Variants in LRRC40 observed in about 807,000 individuals in gnomAD.
LRRC40 encodes the protein leucine-rich repeat-containing protein 40.
LRRC40 carries 76 observed loss-of-function variants against 72.8 expected under a neutral mutation model. That is an observed-to-expected ratio of 1.04 (90% CI 0.87 to 1.26). The LOEUF is 1.26. LRRC40 is among the 50% of genes most tolerant of loss of function. The pLI is 0.00. For synonymous variants in LRRC40, 243 were observed against 254.2 expected, an observed-to-expected ratio of 0.96 and a Z score of 0.42; for missense variants, 684 against 698.9, an observed-to-expected ratio of 0.98 and a Z score of 0.24.
intron 5 of LRRC40, 56 bp from the exon 6 acceptor site, chr1:70,179,049 T>C (rs1668182592): frequency 1.8e-6 from 2 of 1,135,410 alleles, no homozygotes; most frequent in Non-Finnish European, 2.4e-6. Flanking sequence ...TAGTTTCTGA[T>C]CGTATACAAC....
intron 1 of LRRC40, among the ~76,000 whole-genome samples, chr1:70,201,093 A>G (rs1668727881): frequency 6.6e-6 from 1 of 152,168 alleles, no homozygotes; most frequent in Non-Finnish European, 1.5e-5. Flanking sequence ...GCTTGAGCCC[A>G]GGAGTTTGAG....
In LRRC40 at chr1:70,155,708, G is replaced by C. The variant is rs1473361074; in HGVS notation, c.1309C>G (p.Leu437Val). 7.8e-6 allele frequency: 12 copies of C among 1,544,552 alleles called. No individual in the cohort carries two copies. In the Admixed American group the frequency reaches 1.9e-4, roughly 25 times the overall value. Reference sequence around the variant, plus strand: ...TCTTACCTTTTTGGAATTTCACATAGTTGATTCTTACTGAAGTTAATAGAA... The same window carrying C: ...TCTTACCTTTTTGGAATTTCACATACTTGATTCTTACTGAAGTTAATAGAA... ...VTSINFSKNQ[L>V]CEIPKRMVEL... is the part of the protein sequence containing the mutation. The change falls in exon 11 of 15, where the codon CTA becomes GTA. Residue 437 changes from leucine to valine, a missense_variant. By Grantham distance (32) the Leu-to-Val change is conservative. Coordinates refer to ENST00000370952, the MANE Select transcript of LRRC40 (RefSeq NM_017768.5).
rs375050762 is a variant in LRRC40, at chr1:70,175,853, G to A, written c.934C>T (p.Arg312Trp). 27 of 1,585,306 alleles carry A rather than the reference G, an allele frequency of 1.7e-5. No homozygotes were observed. The highest frequency in any genetic ancestry group is 2.3e-5 in the South Asian group (2 of 85,730). ...KSVPDEIILL[R>W]SLERLDLSNN... ...CTTAGGTCAAGCCTTTCCAAGGACC[G>A]TAGTAGTATAATTTCATCTGGAACA... Residue 312 changes from arginine (R) to tryptophan (W), a missense_variant, in exon 7 of 15, where the codon CGG becomes TGG. By Grantham distance (101) the Arg-to-Trp change is moderately radical (BLOSUM62 -3). Transcript: ENST00000370952.
At chr1:70,187,200 T>G in intron 3 of LRRC40, 65 bp downstream of exon 3, 1 of 754,798 alleles carries the variant, frequency 1.3e-6, no homozygotes, top group Non-Finnish European at 2.2e-6. Flanking sequence ...TTGAGAAAAT[T>G]TAAAGAATAT....
chr1:70,161,413 C>T (rs1374753147), intron 9 of LRRC40, among the ~76,000 whole-genome samples: 1 of 151,066 alleles, frequency 6.6e-6, no homozygotes, highest in African/African-American at 2.4e-5. Context: ...AAATTTTTGG[C>T]CGGTGGCGGA....
intron 1 of LRRC40, among the ~76,000 whole-genome samples, chr1:70,194,362 A>ATAG (rs1668564213): frequency 6.6e-6 from 1 of 152,136 alleles, no homozygotes; most frequent in African/African-American, 2.4e-5. Context: ...AAACCATGAA[A>ATAG]TAGTATTAAA....
At chr1:70,193,403 G>GAA (rs546815869) in intron 1 of LRRC40, among the ~76,000 whole-genome samples, 1 of 140,072 alleles carries the variant, frequency 7.1e-6, no homozygotes, top group Non-Finnish European at 1.6e-5. Flanking sequence ...CCCTAGAATA[G>GAA]AAAAAAAAAA....
At chr1:70,165,640 G>C (rs952108738) in intron 9 of LRRC40, among the ~76,000 whole-genome samples, 2 of 151,054 alleles carry the variant, frequency 1.3e-5, no homozygotes, top group Non-Finnish European at 3.0e-5. Flanking sequence ...ACTGAGAAAA[G>C]AGTAGTTAAA....
At chr1:70,169,994 A>G (rs1299212609) in intron 9 of LRRC40, among the ~76,000 whole-genome samples, 1 of 152,160 alleles carries the variant, frequency 6.6e-6, no homozygotes, top group Non-Finnish European at 1.5e-5. Context: ...CAGATGAATA[A>G]CTCTCAAATT....
intron 1 of LRRC40, among the ~76,000 whole-genome samples, chr1:70,190,233 T>G (rs1211600166): frequency 6.6e-6 from 1 of 152,210 alleles, no homozygotes; most frequent in Non-Finnish European, 1.5e-5. Context: ...CTGCCACAGA[T>G]TATCATTTCA....
At chr1:70,154,905 A>C (rs968990625) in intron 11 of LRRC40, among the ~76,000 whole-genome samples, 7 of 152,142 alleles carry the variant, frequency 4.6e-5, no homozygotes, top group Non-Finnish European at 2.9e-5. Flanking sequence ...CAGCTAGTTA[A>C]CCTGTCCAAA....
intron 1 of LRRC40, among the ~76,000 whole-genome samples, chr1:70,190,034 T>C (rs1668457192): frequency 1.3e-5 from 2 of 152,228 alleles, no homozygotes; most frequent in Non-Finnish European, 2.9e-5. Context: ...TGATGACACC[T>C]GTATAGAAAA....
chr1:70,156,245 G>T (rs1253592948), intron 10 of LRRC40, among the ~76,000 whole-genome samples: 1 of 151,946 alleles, frequency 6.6e-6, no homozygotes, highest in African/African-American at 2.4e-5. Flanking sequence ...TTTTTAAAAA[G>T]TTCAACATTA....
chr1:70,153,810 G>C (rs1667569503), intron 11 of LRRC40, among the ~76,000 whole-genome samples: 4 of 151,754 alleles, frequency 2.6e-5, no homozygotes, highest in Admixed American at 2.6e-4. Flanking sequence ...GGCAAAACCT[G>C]GTCTCTACAA....
chr1:70,195,763 G>A (rs1454811013), intron 1 of LRRC40, among the ~76,000 whole-genome samples: 1 of 152,162 alleles, frequency 6.6e-6, no homozygotes. Context: ...CTCCCGAGCA[G>A]CAGCTGGACT....
intron 1 of LRRC40, among the ~76,000 whole-genome samples, chr1:70,190,142 T>C (rs1014162853): frequency 7.9e-5 from 12 of 152,116 alleles, no homozygotes; most frequent in African/African-American, 2.7e-4. Context: ...CCTTCACTGC[T>C]CGGTAAAAGT....
chr1:70,162,788 G>T (rs756273022), intron 9 of LRRC40, among the ~76,000 whole-genome samples: 5 of 152,142 alleles, frequency 3.3e-5, no homozygotes, highest in Non-Finnish European at 5.9e-5. Flanking sequence ...TCCATCCTAA[G>T]CCTGATAACA....
intron 2 of LRRC40, among the ~76,000 whole-genome samples, chr1:70,188,119 A>G (rs1668408530): frequency 6.6e-6 from 1 of 152,210 alleles, no homozygotes. Flanking sequence ...AGAACCTTAG[A>G]GTAAGCCAAT....
At chr1:70,148,721 A>G in intron 13 of LRRC40, 49 bp from the exon 14 acceptor site, 2 of 1,121,286 alleles carry the variant, frequency 1.8e-6, no homozygotes, top group South Asian at 3.6e-5. Flanking sequence ...TCAGACCAAA[A>G]TCATTCCTTA....
Sources: gnomAD v4.1 joint callset for allele counts (sites outside exome capture counted in the v4.1 genomes callset) on GRCh38, gnomAD v4.1.1 for gene constraint, MANE v1.5 for transcripts, NCBI Gene and HGNC (gene_info 2026-07-23, HGNC 2026-07-21) for gene names.